EPHA6: variants seen among roughly 807,000 people sequenced by gnomAD.
EPHA6 encodes ephrin type-A receptor 6.
EPHA6 carries 50 observed loss-of-function variants against 112.0 expected under a neutral mutation model. The ratio of observed to expected loss-of-function variants is 0.45; its 90% CI spans 0.36 to 0.56. The LOEUF (loss-of-function observed/expected upper bound fraction) is 0.56, where lower values mean the gene tolerates loss of function less well. Among genes scored for constraint, EPHA6 ranks in the 20% least tolerant of loss-of-function variants. The pLI, the probability that EPHA6 is intolerant of heterozygous loss-of-function variation, is 0.00. For synonymous variants in EPHA6, 529 were observed against 490.7 expected (o/e 1.08, Z -1.03); for missense variants, 1,280 against 1,417.4 (o/e 0.90, Z 1.56).
chr3:97,035,412 G>A (rs1437593603), intron 3 of EPHA6, among the ~76,000 whole-genome samples: 5 of 151,902 alleles, frequency 3.3e-5, no homozygotes, highest in African/African-American at 9.6e-5. Flanking sequence ...ATAGACACTA[G>A]GACTTTTTAC....
intron 14 of EPHA6, among the ~76,000 whole-genome samples, chr3:97,659,357 G>C (rs2094155691): frequency 6.6e-6 from 1 of 151,944 alleles, no homozygotes; most frequent in Non-Finnish European, 1.5e-5. Context: ...GCTTTTCGGT[G>C]ACATTTTTAA....
chr3:97,411,863 C>A (rs1167637838), intron 6 of EPHA6, among the ~76,000 whole-genome samples: 2 of 152,130 alleles, frequency 1.3e-5, no homozygotes, highest in African/African-American at 2.4e-5. Flanking sequence ...GGGATATGAT[C>A]CAGTGGTAAT....
At chr3:97,484,168 A>T in intron 10 of EPHA6, 109 bp downstream of exon 10, 2 of 993,146 alleles carry the variant, frequency 2.0e-6, no homozygotes, top group South Asian at 2.6e-5. Flanking sequence ...GAAAAGTTTT[A>T]ACAAGTGAGA....
chr3:97,222,978 C>T (rs781325075), intron 3 of EPHA6, among the ~76,000 whole-genome samples: 7 of 152,076 alleles, frequency 4.6e-5, no homozygotes, highest in Non-Finnish European at 7.4e-5. Context: ...ACAGAGTCAT[C>T]GGGGTTATAA....
chr3:97,587,224 G>C (rs1199389516), intron 11 of EPHA6, among the ~76,000 whole-genome samples: 1 of 150,484 alleles, frequency 6.6e-6, no homozygotes, highest in Admixed American at 6.6e-5. Context: ...CTGGGCAACA[G>C]AATGAGACTC....
intron 6 of EPHA6, among the ~76,000 whole-genome samples, chr3:97,437,214 C>T (rs1239618449): frequency 6.6e-6 from 1 of 152,034 alleles, no homozygotes; most frequent in Non-Finnish European, 1.5e-5. Context: ...TAGAAAGTTA[C>T]TATAGTGAAG....
At chr3:97,163,087 G>T (rs2108404087) in intron 3 of EPHA6, among the ~76,000 whole-genome samples, 1 of 152,100 alleles carries the variant, frequency 6.6e-6, no homozygotes, top group Admixed American at 6.5e-5. Context: ...ACAGATAAGT[G>T]AAATCACTCC....
intron 14 of EPHA6, among the ~76,000 whole-genome samples, chr3:97,644,978 C>A (rs931801308): frequency 1.3e-5 from 2 of 151,462 alleles, no homozygotes; most frequent in Non-Finnish European, 3.0e-5. Flanking sequence ...GGCAGAGACA[C>A]AACCAAAAAA....
chr3:97,143,085 T>C (rs1399849466), intron 3 of EPHA6, among the ~76,000 whole-genome samples: 1 of 151,738 alleles, frequency 6.6e-6, no homozygotes, highest in Non-Finnish European at 1.5e-5. Context: ...AGTATCAATA[T>C]ACAAAAATTA....
intron 11 of EPHA6, among the ~76,000 whole-genome samples, chr3:97,555,968 C>T (rs186558793): frequency 4.6e-5 from 7 of 152,052 alleles, no homozygotes; most frequent in East Asian, 1.9e-4. Flanking sequence ...AAACCACCCA[C>T]GCCAAAGCTC....
intron 2 of EPHA6, among the ~76,000 whole-genome samples, chr3:96,986,801 C>G (rs1464214394): frequency 6.6e-6 from 1 of 152,136 alleles, no homozygotes; most frequent in East Asian, 1.9e-4. Context: ...AAGGCCTTAT[C>G]CATGTCTGTT....
At position 97,733,002 on chromosome 3, in the gene EPHA6, C is replaced by G. The variant is rs542496371; in HGVS notation, c.2935-2923C>G. On this transcript the variant is annotated intron_variant, in intron 15 of 17. Transcript: ENST00000389672. ...ATGAGTCTTCTGATCCTCCCACTGT[C>G]CCCACAGAGAGGCCGGGACCACATG... Among the ~76,000 whole-genome samples, 21 of 152,152 alleles carry G rather than the reference C, an allele frequency of 1.4e-4. No homozygotes were observed. In the South Asian group the frequency reaches 4.4e-3, roughly 32 times the overall value.
intron 3 of EPHA6, among the ~76,000 whole-genome samples, chr3:97,084,067 AGTGTGTGTGTGT>A (rs145113129): frequency 4.6e-5 from 5 of 109,694 alleles, no homozygotes; most frequent in African/African-American, 1.7e-4. Flanking sequence ...TATTTCTTAA[AGTGTGTGTGTGT>A]GTGTGTGTGT....
intron 2 of EPHA6, among the ~76,000 whole-genome samples, chr3:96,931,556 TG>T (rs2040327198): frequency 6.6e-6 from 1 of 152,314 alleles, no homozygotes; most frequent in Middle Eastern, 3.4e-3. Flanking sequence ...AGAAGCAGTC[TG>T]GCCATGGTGT....
At chr3:97,329,398 T>G (rs2108814510) in intron 5 of EPHA6, among the ~76,000 whole-genome samples, 1 of 151,140 alleles carries the variant, frequency 6.6e-6, no homozygotes, top group African/African-American at 2.5e-5. Context: ...CCACACTGAC[T>G]TCCACAATGG....
rs144679073 is a variant in EPHA6, at chr3:96,855,469, A to T, written c.386-11356A>T. 8.4e-4 allele frequency among the ~76,000 whole-genome samples: 127 copies of T among 151,976 alleles called. 1 individual carries two copies. Among genetic ancestry groups the T allele is most frequent in the African/African-American group, 2.9e-3 (121 of 41,310 alleles). Reference sequence around the variant, plus strand: ...GTTCACAATTTGTGTACTTGGGCAGATGCTGGGTAACAGTTACTGAAACAG... The same window carrying T: ...GTTCACAATTTGTGTACTTGGGCAGTTGCTGGGTAACAGTTACTGAAACAG... On this transcript the variant is annotated intron_variant, in intron 1 of 17. Coordinates refer to ENST00000389672, the MANE Select transcript of EPHA6 (RefSeq NM_001080448.3).
intron 2 of EPHA6, among the ~76,000 whole-genome samples, chr3:96,927,431 T>C (rs1427487746): frequency 6.6e-6 from 1 of 152,228 alleles, no homozygotes; most frequent in Non-Finnish European, 1.5e-5. Context: ...GGGTTTTTCT[T>C]TTCTATCACA....
In EPHA6 at chr3:97,017,624, A is replaced by G. The variant is rs570255290; in HGVS notation, c.1114+29631A>G. Among the ~76,000 whole-genome samples, 8 of 152,270 alleles carry G rather than the reference A, an allele frequency of 5.3e-5. No homozygotes were observed. In the East Asian group the frequency reaches 1.5e-3, roughly 29 times the overall value. ...GGGGCAAGTGACCTACACAGACACCATTTAGGGTAGTGAAGGAAATGCTCA... is the reference window on the plus strand; with the variant it reads ...GGGGCAAGTGACCTACACAGACACCGTTTAGGGTAGTGAAGGAAATGCTCA... On this transcript the variant is annotated intron_variant, in intron 3 of 17. Transcript: ENST00000389672.
At chr3:97,634,701 C>T (rs1433265270) in intron 13 of EPHA6, among the ~76,000 whole-genome samples, 1 of 151,994 alleles carries the variant, frequency 6.6e-6, no homozygotes, top group East Asian at 1.9e-4. Flanking sequence ...TGAGGTAGGA[C>T]AGGGGCCCAG....
Sources: gnomAD v4.1 joint callset for allele counts (sites outside exome capture counted in the v4.1 genomes callset) on GRCh38, gnomAD v4.1.1 for gene constraint, MANE v1.5 for transcripts, NCBI Gene and HGNC (gene_info 2026-07-23, HGNC 2026-07-21) for gene names.